ANO6: variants seen among roughly 807,000 people sequenced by gnomAD.
ANO6 encodes the protein anoctamin 6, also known as anoctamin-6.
A neutral mutation model predicts 117.5 loss-of-function variants in ANO6; 106 were observed. The ratio of observed to expected loss-of-function variants is 0.90; its 90% CI spans 0.77 to 1.06. The LOEUF is 1.06. ANO6 is among the 50% of genes least tolerant of loss of function. The probability of loss-of-function intolerance (pLI) is 0.00; values close to 1 mark genes in which losing one functional copy is unlikely to be tolerated. For synonymous variants in ANO6, 367 were observed against 385.1 expected, an observed-to-expected ratio of 0.95 and a Z score of 0.55; for missense variants, 955 against 1,121.1, an observed-to-expected ratio of 0.85 and a Z score of 2.12.
chr12:45,424,375 G>A (rs1462711629), intron 19 of ANO6, among the ~76,000 whole-genome samples: 1 of 111,482 alleles, frequency 9.0e-6, no homozygotes, highest in Admixed American at 1.4e-4. Context: ...GTCTCACTCT[G>A]TTGCCCAGGC....
chr12:45,425,065 A>G (rs1943467884), intron 19 of ANO6, among the ~76,000 whole-genome samples: 1 of 152,214 alleles, frequency 6.6e-6, no homozygotes, highest in Admixed American at 6.5e-5. Flanking sequence ...TGTATGTGAA[A>G]ACATTTAAAT....
chr12:45,373,356 CA>C (rs1279736777), intron 9 of ANO6, among the ~76,000 whole-genome samples: 1 of 151,312 alleles, frequency 6.6e-6, no homozygotes, highest in African/African-American at 2.4e-5. Context: ...CTGCACCAAG[CA>C]GACCTAATAG....
chr12:45,286,671 G>T (rs1174712730), intron 1 of ANO6, among the ~76,000 whole-genome samples: 1 of 152,162 alleles, frequency 6.6e-6, no homozygotes, highest in African/African-American at 2.4e-5. Context: ...AAAATGAAAA[G>T]AACTTCAGGC....
chr12:45,305,518 G>T (rs1939640396), intron 2 of ANO6, among the ~76,000 whole-genome samples: 1 of 152,180 alleles, frequency 6.6e-6, no homozygotes, highest in East Asian at 1.9e-4. Flanking sequence ...TCAGGAAAAT[G>T]GTGGCATAGC....
chr12:45,371,317 T>A (rs1941827704), intron 9 of ANO6, among the ~76,000 whole-genome samples: 1 of 152,146 alleles, frequency 6.6e-6, no homozygotes, highest in African/African-American at 2.4e-5. Context: ...CTTGCTTAGG[T>A]AAACAAAGCA....
intron 3 of ANO6, among the ~76,000 whole-genome samples, chr12:45,339,825 T>G (rs772913493): frequency 6.6e-6 from 1 of 152,120 alleles, no homozygotes; most frequent in African/African-American, 2.4e-5. Context: ...AAAAAAAGAT[T>G]GGCAAGTTGA....
rs1367861890 is a variant in ANO6, at chr12:45,429,270, A to G, written c.2692A>G (p.Ile898Val). The G allele has an allele frequency of 2.5e-6, 4 of 1,613,748 alleles. No homozygotes were observed. In the African/African-American group the frequency reaches 4.0e-5, roughly 16 times the overall value. ...TATGGGGGTGATAGCTGAGCGGATG[A>G]TAGAAGCAGTAGATAACAATTTACG... is the stretch of plus-strand genomic sequence containing the variant. ...KNMGVIAERM[I>V]EAVDNNLRPK... Residue 898 changes from isoleucine to valine, a missense_variant, in exon 20 of 20, where the codon ATA (isoleucine) becomes GTA (valine). Physicochemically the swap from Ile to Val is conservative, Grantham distance 29 (BLOSUM62 3). Coordinates refer to ENST00000320560, the MANE Select transcript of ANO6 (RefSeq NM_001025356.3).
At chr12:45,403,633 C>T in intron 15 of ANO6, 97 bp downstream of exon 15, 2 of 978,902 alleles carry the variant, frequency 2.0e-6, no homozygotes, top group Non-Finnish European at 3.2e-6. Context: ...AGCCACATAG[C>T]TGCATGTCCA....
rs776677740 is a variant in ANO6, at chr12:45,378,082, C to G, written c.1134C>G (p.Thr378=). Reference sequence around the variant, plus strand: ...TGTGCATCTTCGACAGTTTTGGAACCCTGGTCTTTGCAGTATTTATGGGAG... The same window carrying G: ...TGTGCATCTTCGACAGTTTTGGAACGCTGGTCTTTGCAGTATTTATGGGAG... ...KKLCIFDSFG[T]LVFAVFMGVW... is the part of the protein sequence containing the mutation. Residue 378 remains threonine (T), a synonymous_variant, in exon 10 of 20, where the codon ACC becomes ACG. Transcript: ENST00000320560. 6.2e-6 allele frequency: 10 copies of G among 1,611,482 alleles called. No individual in the cohort carries two copies. Among genetic ancestry groups the G allele is most frequent in the African/African-American group, 4.0e-5 (3 of 74,466 alleles).
intron 1 of ANO6, among the ~76,000 whole-genome samples, chr12:45,220,023 C>T (rs1947372594): frequency 6.6e-6 from 1 of 152,124 alleles, no homozygotes; most frequent in Admixed American, 6.6e-5. Flanking sequence ...CCCTCATCAG[C>T]GGATTAAATT....
intron 8 of ANO6, among the ~76,000 whole-genome samples, chr12:45,358,134 G>C (rs1941460805): frequency 6.6e-6 from 1 of 152,136 alleles, no homozygotes; most frequent in African/African-American, 2.4e-5. Flanking sequence ...ATTTTCTCTT[G>C]ATATCTGGCT....
At chr12:45,383,707 A>T (rs900389678) in intron 10 of ANO6, among the ~76,000 whole-genome samples, 2 of 152,208 alleles carry the variant, frequency 1.3e-5, no homozygotes, top group African/African-American at 4.8e-5. Context: ...ATTTTTTATG[A>T]ACAATGGGCT....
At chr12:45,427,081 T>A (rs1248767217) in intron 19 of ANO6, among the ~76,000 whole-genome samples, 1 of 151,992 alleles carries the variant, frequency 6.6e-6, no homozygotes, top group African/African-American at 2.4e-5. Flanking sequence ...GGCAACTCCA[T>A]CTCAACACTG....
At chr12:45,306,202 T>G (rs1939662977) in intron 2 of ANO6, among the ~76,000 whole-genome samples, 1 of 152,138 alleles carries the variant, frequency 6.6e-6, no homozygotes, top group Admixed American at 6.6e-5. Context: ...TTCCAGCCTT[T>G]CTAGAACTCG....
rs189550318 is a variant in ANO6, at chr12:45,289,596, T to C, written c.71-12418T>C. Among the ~76,000 whole-genome samples, 3 of 152,394 alleles carry C rather than the reference T, an allele frequency of 2.0e-5. No individual in the cohort carries two copies. The East Asian group carries it at 5.8e-4, about 29-fold the overall frequency. On this transcript the variant is annotated intron_variant, in intron 1 of 19. Coordinates refer to ENST00000320560, the MANE Select transcript of ANO6 (RefSeq NM_001025356.3). ...GATATTAATGACTATTTTCTGTTCA[T>C]TTGGATAATTAAAAGTAGTATATCA...
chr12:45,348,483 T>C lies in ANO6; in HGVS notation c.634-35T>C, dbSNP rs756796865. ...ATGATTGGATTGGTTAATTACACTA[T>C]ATAAACCGCATACTCTATTTTGGAA... On this transcript the variant is annotated intron_variant, in intron 5 of 19. Coordinates refer to ENST00000320560, the MANE Select transcript of ANO6 (RefSeq NM_001025356.3). 16 of 1,562,572 alleles carry C rather than the reference T, an allele frequency of 1.0e-5. No homozygotes were observed. The Admixed American group carries it at 1.5e-4, about 15-fold the overall frequency.
chr12:45,220,976 G>C (rs1947387181), intron 1 of ANO6, among the ~76,000 whole-genome samples: 1 of 152,200 alleles, frequency 6.6e-6, no homozygotes, highest in Non-Finnish European at 1.5e-5. Flanking sequence ...AACCCAAAGA[G>C]GGTGTTGCAA....
At chr12:45,316,283 A>C (rs1258044033) in intron 2 of ANO6, among the ~76,000 whole-genome samples, 2 of 152,110 alleles carry the variant, frequency 1.3e-5, no homozygotes, top group Non-Finnish European at 2.9e-5. Context: ...ACAGACATTA[A>C]TCAAATAATT....
At chr12:45,354,673 T>C (rs1593004790) in intron 7 of ANO6, among the ~76,000 whole-genome samples, 3 of 152,264 alleles carry the variant, frequency 2.0e-5, no homozygotes, top group East Asian at 3.9e-4. Flanking sequence ...TGGGGTTGAA[T>C]TGCTGATAAG....
Sources: allele counts gnomAD v4.1 joint callset (sites outside exome capture counted in the v4.1 genomes callset), GRCh38; gene constraint gnomAD v4.1.1; transcripts MANE v1.5; gene names NCBI Gene and HGNC (gene_info 2026-07-23, HGNC 2026-07-21).